The following ACTR3 variants were observed in gnomAD, a reference collection of about 807,000 sequenced individuals.
ACTR3 encodes the protein actin-related protein 3.
ACTR3 carries 12 observed loss-of-function variants against 56.8 expected under a neutral mutation model. The observed-to-expected ratio is 0.21, with a 90% CI of 0.14 to 0.34. The LOEUF (loss-of-function observed/expected upper bound fraction) is 0.34, where lower values mean the gene tolerates loss of function less well. Among genes scored for constraint, ACTR3 ranks in the 10% least tolerant of loss-of-function variants. The pLI, the probability that ACTR3 is intolerant of heterozygous loss-of-function variation, is 1.00. For missense variants in ACTR3, 282 were observed against 512.5 expected (o/e 0.55, Z 4.34); for synonymous variants, 162 against 167.4 (o/e 0.97, Z 0.25).
rs2104639156 is a variant in ACTR3 at position 113,961,425 on chromosome 2, G to A, written c.*3970G>A. 1 of 151,756 alleles carries A rather than the reference G, an allele frequency of 6.6e-6. No individual in the cohort carries two copies. Among genetic ancestry groups the A allele is most frequent in the East Asian group, 1.9e-4 (1 of 5,174 alleles). The allele number at this position is 151,756 out of a possible 1,614,324, so 9.4% of individuals were successfully genotyped here. ...AGGAAAGAAGGCAACTGAAAAACCT[G>A]AAAGAAAAAAAATGAAAGATTAAAA... On this transcript the variant is annotated 3_prime_UTR_variant, in exon 12 of 12. Coordinates refer to ENST00000263238, the MANE Select transcript of ACTR3 (RefSeq NM_005721.5).
In ACTR3 at chr2:113,890,117, C is replaced by CCTGCTGCTTTCTTG. The variant is rs1289172673; in HGVS notation, c.-160_-147dup. On this transcript the variant is annotated 5_prime_UTR_variant, in exon 1 of 12. Coordinates refer to ENST00000263238, the MANE Select transcript of ACTR3 (RefSeq NM_005721.5). Reference sequence around the variant, plus strand: ...GCGGAAGTGATAGCCGCCGACCGAGCCTGCTGCTTTCTTGCTACTGCTTCG... The same window carrying CCTGCTGCTTTCTTG: ...GCGGAAGTGATAGCCGCCGACCGAGCCTGCTGCTTTCTTGCTGCTGCTTTCTTGCTACTGCTTCG... 15 of 821,072 alleles carry CCTGCTGCTTTCTTG rather than the reference C, an allele frequency of 1.8e-5. No individual in the cohort carries two copies. The highest frequency in any genetic ancestry group is 2.7e-5 in the Non-Finnish European group (14 of 514,432). The allele number at this position is 821,072 out of a possible 1,614,324, so 50.9% of individuals were successfully genotyped here. A position where few individuals can be genotyped will look rare whatever the true frequency, so the allele number is the denominator to read the frequency against.
chr2:113,915,745 A>T (rs1332523104), intron 2 of ACTR3, among the ~76,000 whole-genome samples: 1 of 152,108 alleles, frequency 6.6e-6, no homozygotes, highest in Non-Finnish European at 1.5e-5. Context: ...TTTTTATCTT[A>T]TCTCTCTGCC....
intron 1 of ACTR3, among the ~76,000 whole-genome samples, chr2:113,906,945 A>G (rs530830831): frequency 1.6e-4 from 25 of 152,264 alleles, no homozygotes; most frequent in Non-Finnish European, 3.1e-4. Context: ...TTTGAGATCC[A>G]TATGAATGTT....
intron 2 of ACTR3, 125 bp from the exon 3 acceptor site, chr2:113,916,759 T>G (rs1679411954): frequency 1.4e-6 from 1 of 729,342 alleles, no homozygotes; most frequent in Admixed American, 4.2e-5. Context: ...GTGAATTAGT[T>G]TGACAATTTA....
At chr2:113,955,486 C>G in intron 10 of ACTR3, 137 bp from the exon 11 acceptor site, 1 of 615,012 alleles carries the variant, frequency 1.6e-6, no homozygotes, top group Non-Finnish European at 2.8e-6. Flanking sequence ...CAGCCAATCT[C>G]AATTGTTTCT....
intron 3 of ACTR3, among the ~76,000 whole-genome samples, chr2:113,918,509 C>T (rs1263343927): frequency 6.6e-6 from 1 of 151,854 alleles, no homozygotes; most frequent in Non-Finnish European, 1.5e-5. Flanking sequence ...CTCAGCCTCC[C>T]AAGTAGCTTG....
intron 4 of ACTR3, among the ~76,000 whole-genome samples, chr2:113,930,320 G>A (rs560771626): frequency 6.6e-6 from 1 of 152,052 alleles, no homozygotes; most frequent in East Asian, 1.9e-4. Flanking sequence ...TTTATGTAAG[G>A]TAACAGTATA....
intron 7 of ACTR3, 64 bp downstream of exon 7, chr2:113,940,166 G>C (rs1206061356): frequency 7.0e-7 from 1 of 1,431,016 alleles, no homozygotes; most frequent in Non-Finnish European, 9.5e-7. Context: ...ACATTAACGT[G>C]AGAAATTTTT....
At position 113,955,750 on chromosome 2, in the gene ACTR3, ATTT is replaced by A. The variant is rs990296553; in HGVS notation, c.1161+46_1161+48del. The A allele has an allele frequency of 5.4e-6, 8 of 1,470,144 alleles. No homozygotes were observed. The African/African-American group carries it at 1.1e-4, about 21-fold the overall frequency. The allele number at this position is 1,470,144 out of a possible 1,614,324, so 91.1% of individuals were successfully genotyped here. A position where few individuals can be genotyped will look rare whatever the true frequency, so the allele number is the denominator to read the frequency against. ...ACTTTTATTTTATTTTATCATTATT[ATTT>A]TATTTATTTTTGAGGTGGACTTTCG... On this transcript the variant is annotated intron_variant, in intron 11 of 11. Coordinates refer to ENST00000263238, the MANE Select transcript of ACTR3 (RefSeq NM_005721.5).
At chr2:113,908,733 A>G (rs1355831026) in intron 1 of ACTR3, among the ~76,000 whole-genome samples, 2 of 152,082 alleles carry the variant, frequency 1.3e-5, no homozygotes, top group African/African-American at 4.8e-5. Context: ...TGCTAGTAGT[A>G]TAAAGCGAGT....
rs1352129125 is a variant in ACTR3, at chr2:113,962,080, A to C, written c.*4625A>C. On this transcript the variant is annotated 3_prime_UTR_variant, in exon 12 of 12. Transcript: ENST00000263238. ...TTTTCATGTTAAAATAAAACTTTGA[A>C]TTACATGAGTATACAACTTTTGTTC... The C allele has an allele frequency of 2.0e-5, 3 of 152,038 alleles. No homozygotes were observed. Among genetic ancestry groups the C allele is most frequent in the Non-Finnish European group, 4.4e-5 (3 of 67,920 alleles). The allele number at this position is 152,038 out of a possible 1,614,324, so 9.4% of individuals were successfully genotyped here.
chr2:113,890,487 C>A, intron 1 of ACTR3, 164 bp downstream of exon 1: 1 of 1,296,952 alleles, frequency 7.7e-7, no homozygotes, highest in Non-Finnish European at 1.0e-6. Flanking sequence ...CAGGGCCTCG[C>A]GGGTCCCCTC....
At chr2:113,890,649 G>T (rs1574343060) in intron 1 of ACTR3, 1 of 1,245,736 alleles carries the variant, frequency 8.0e-7, no homozygotes, top group Non-Finnish European at 1.0e-6. Context: ...CGTCTTGGGG[G>T]TGGTCCCCGG....
chr2:113,925,168 A>C (rs1408813538), intron 3 of ACTR3, among the ~76,000 whole-genome samples: 1 of 140,048 alleles, frequency 7.1e-6, no homozygotes, highest in Admixed American at 7.3e-5. Context: ...AAGTGCTGGG[A>C]TTACAGGCGT....
intron 3 of ACTR3, among the ~76,000 whole-genome samples, chr2:113,917,831 G>A (rs1188445158): frequency 6.6e-6 from 1 of 152,208 alleles, no homozygotes; most frequent in Non-Finnish European, 1.5e-5. Flanking sequence ...AATTACAAGT[G>A]TGTTGGGGGT....
rs112012007 is a variant in ACTR3, at chr2:113,919,602, A to T, written c.225+2594A>T. Among the ~76,000 whole-genome samples, 847 of 152,290 alleles carry T rather than the reference A, an allele frequency of 5.6e-3. 7 individuals are homozygous for T. The highest frequency in any genetic ancestry group is 0.019 in the African/African-American group (809 of 41,560). On this transcript the variant is annotated intron_variant, in intron 3 of 11. Transcript: ENST00000263238. ...TGTTTTGACAAGGAAAAAGTGGATA[A>T]TTAAAGAGTAACAGGGCGTGATGAA...
intron 3 of ACTR3, among the ~76,000 whole-genome samples, chr2:113,926,080 C>T (rs1288861991): frequency 6.6e-6 from 1 of 152,228 alleles, no homozygotes; most frequent in Non-Finnish European, 1.5e-5. Flanking sequence ...CGTTATTTCA[C>T]TGCTGAGTAA....
At chr2:113,921,273 T>A (rs1208669760) in intron 3 of ACTR3, among the ~76,000 whole-genome samples, 1 of 152,104 alleles carries the variant, frequency 6.6e-6, no homozygotes, top group Non-Finnish European at 1.5e-5. Flanking sequence ...TGACTTCTTT[T>A]GAGAAATGTC....
At chr2:113,923,305 C>A (rs7603501) in intron 3 of ACTR3, among the ~76,000 whole-genome samples, 1 of 148,934 alleles carries the variant, frequency 6.7e-6, no homozygotes, top group Non-Finnish European at 1.5e-5. Context: ...TGGTTATCTT[C>A]CTAACATGGA....
Sources: gnomAD v4.1 joint callset for allele counts (sites outside exome capture counted in the v4.1 genomes callset) on GRCh38, gnomAD v4.1.1 for gene constraint, MANE v1.5 for transcripts, NCBI Gene and HGNC (gene_info 2026-07-23, HGNC 2026-07-21) for gene names.